Variants in ORC3 observed in about 807,000 individuals in gnomAD.
The protein encoded by ORC3 is homolog of latheo, Drosophila.
Under a neutral mutation model 100.7 loss-of-function variants are expected in ORC3, and 78 were observed. The observed-to-expected ratio is 0.77, with a 90% CI of 0.65 to 0.94. The LOEUF is 0.94. Ranked by LOEUF, ORC3 falls within the 40% of genes least tolerant of loss-of-function variation. The pLI, the probability that ORC3 is intolerant of heterozygous loss-of-function variation, is 0.00. For missense variants in ORC3, 789 were observed against 823.9 expected (o/e 0.96, Z 0.52); for synonymous variants, 295 against 289.3 (o/e 1.02, Z -0.20).
intron 1 of ORC3, among the ~76,000 whole-genome samples, chr6:87,592,324 G>T (rs1430555847): frequency 1.3e-5 from 2 of 152,166 alleles, no homozygotes; most frequent in African/African-American, 4.8e-5. Flanking sequence ...TCTGCTAGTT[G>T]CAGATATAAG....
chr6:87,634,236 T>C (rs1369986053), intron 11 of ORC3, among the ~76,000 whole-genome samples: 1 of 151,822 alleles, frequency 6.6e-6, no homozygotes, highest in African/African-American at 2.4e-5. Flanking sequence ...TATTTATTTA[T>C]TCTTTTTTTT....
intron 13 of ORC3, among the ~76,000 whole-genome samples, chr6:87,636,840 A>G (rs974435284): frequency 6.6e-6 from 1 of 152,218 alleles, no homozygotes; most frequent in Non-Finnish European, 1.5e-5. Context: ...TGAGGTCACC[A>G]TGTCCCCAAC....
At chr6:87,674,726 G>A in the ORC3 span, among the ~76,000 whole-genome samples, 3 of 148,600 alleles carry the variant, frequency 2.0e-5, no homozygotes, top group African/African-American at 7.5e-5. Context: ...CTCCCGCCTC[G>A]GCCTCCCAAA....
chr6:87,603,603 T>C (rs1182881037), intron 4 of ORC3, 75 bp downstream of exon 4: 2 of 886,796 alleles, frequency 2.3e-6, no homozygotes, highest in Non-Finnish European at 3.3e-6. Context: ...TTGTTGAGAA[T>C]AGTGGAAGGA....
Position 87,604,511 on chromosome 6 carries a change from G to C in ORC3, c.322+983G>C, listed in dbSNP as rs146859625. On this transcript the variant is annotated intron_variant, in intron 4 of 19. Coordinates refer to ENST00000392844, the MANE Select transcript of ORC3 (RefSeq NM_012381.4). ...TGAGGAAAAACTGAGGCCCAGTGAT[G>C]GCCCACTTGTACCAAGCTAATGGAA... 3.9e-3 allele frequency among the ~76,000 whole-genome samples: 595 copies of C among 152,274 alleles called. 1 individual carries two copies. Among genetic ancestry groups the C allele is most frequent in the Non-Finnish European group, 6.2e-3 (420 of 68,020 alleles).
chr6:87,651,581 G>T (rs1312022290), intron 13 of ORC3, among the ~76,000 whole-genome samples: 1 of 152,104 alleles, frequency 6.6e-6, no homozygotes, highest in African/African-American at 2.4e-5. Context: ...GATAATTATT[G>T]TAGAAAGAGG....
chr6:87,657,521 T>C (rs1769814491), intron 15 of ORC3, among the ~76,000 whole-genome samples: 1 of 152,114 alleles, frequency 6.6e-6, no homozygotes, highest in African/African-American at 2.4e-5. Flanking sequence ...AAATGTAGAG[T>C]AAAATTTCAA....
intron 11 of ORC3, among the ~76,000 whole-genome samples, chr6:87,631,103 G>A (rs1767373991): frequency 6.9e-6 from 1 of 145,622 alleles, no homozygotes; most frequent in Non-Finnish European, 1.5e-5. Context: ...CTATCAAGCT[G>A]GTCTTGAACC....
chr6:87,672,003 G>T (rs1048091521), downstream of ORC3, among the ~76,000 whole-genome samples: 2 of 152,066 alleles, frequency 1.3e-5, no homozygotes, highest in African/African-American at 4.8e-5. Context: ...ATTAATGACA[G>T]TACAAAGAAA....
chr6:87,636,270 A>G, intron 12 of ORC3, 137 bp from the exon 13 acceptor site: 1 of 609,550 alleles, frequency 1.6e-6, no homozygotes, highest in Non-Finnish European at 2.9e-6. Context: ...CATGAGATAT[A>G]TGCCAAGTCT....
At chr6:87,630,531 G>A (rs754575301) in intron 11 of ORC3, among the ~76,000 whole-genome samples, 13 of 152,210 alleles carry the variant, frequency 8.5e-5, no homozygotes, top group Non-Finnish European at 1.5e-4. Context: ...GAATACAGGA[G>A]TGAACCAAAC....
chr6:87,603,575 T>C, intron 4 of ORC3, 47 bp downstream of exon 4: 1 of 1,262,676 alleles, frequency 7.9e-7, no homozygotes, highest in Admixed American at 2.3e-5. Flanking sequence ...GTGTATTTCG[T>C]TTTTAAATTT....
intron 11 of ORC3, among the ~76,000 whole-genome samples, chr6:87,623,919 C>A (rs1399053622): frequency 6.6e-6 from 1 of 151,988 alleles, no homozygotes; most frequent in African/African-American, 2.4e-5. Flanking sequence ...CAAAAAGAGC[C>A]TGACATTTAT....
At chr6:87,592,522 A>C (rs1034127323) in intron 1 of ORC3, among the ~76,000 whole-genome samples, 1 of 152,134 alleles carries the variant, frequency 6.6e-6, no homozygotes, top group Non-Finnish European at 1.5e-5. Flanking sequence ...CCAGCCTCTC[A>C]GGAGGCTGAG....
At chr6:87,593,881 G>C (rs1050507099) in intron 1 of ORC3, among the ~76,000 whole-genome samples, 7 of 152,154 alleles carry the variant, frequency 4.6e-5, no homozygotes, top group African/African-American at 1.7e-4. Flanking sequence ...ATTTTTAGTA[G>C]AGACAGGATT....
At chr6:87,643,357 A>G (rs1202705015) in intron 13 of ORC3, among the ~76,000 whole-genome samples, 2 of 151,616 alleles carry the variant, frequency 1.3e-5, no homozygotes, top group African/African-American at 4.8e-5. Context: ...ACATTCAGAC[A>G]GATGACCCAG....
Position 87,605,866 on chromosome 6 carries a change from A to G in ORC3, c.323-51A>G, listed in dbSNP as rs1270967637. On this transcript the variant is annotated intron_variant, in intron 4 of 19. Transcript: ENST00000392844. ...GATATGTTAAATAGCTTTTGTCATT[A>G]AATTATTATTAATAAAAATGGTGAT... The G allele has an allele frequency of 2.1e-6, 2 of 958,404 alleles. 1 individual carries two copies. The highest frequency in any genetic ancestry group is 4.8e-5 in the East Asian group (2 of 41,344). 59.4% of individuals were successfully genotyped at this position (958,404 alleles called of 1,614,324 possible). A position where few individuals can be genotyped will look rare whatever the true frequency, so the allele number is the denominator to read the frequency against.
intron 1 of ORC3, among the ~76,000 whole-genome samples, chr6:87,590,792 A>C (rs1776794867): frequency 6.6e-6 from 1 of 152,218 alleles, no homozygotes; most frequent in African/African-American, 2.4e-5. Context: ...CAGAAGATAG[A>C]AATAAAATGG....
At chr6:87,675,581 A>C in the ORC3 span, 1 of 1,614,118 alleles carries the variant, frequency 6.2e-7, no homozygotes. Flanking sequence ...CAGCCCACAA[A>C]TGCAGGATAC....
Sources: allele counts gnomAD v4.1 joint callset (sites outside exome capture counted in the v4.1 genomes callset), GRCh38; gene constraint gnomAD v4.1.1; transcripts MANE v1.5; gene names NCBI Gene and HGNC (gene_info 2026-07-23, HGNC 2026-07-21).